The following DMD variants were observed in gnomAD, a reference collection of about 807,000 sequenced individuals.
DMD encodes mutant dystrophin.
In DMD, 63 loss-of-function variants were observed where a neutral mutation model predicts 330.1. That is an observed-to-expected ratio of 0.19 (90% CI 0.16 to 0.24). The LOEUF is 0.24. Among genes scored for constraint, DMD ranks in the 10% least tolerant of loss-of-function variants. The probability of loss-of-function intolerance (pLI) is 1.00; values close to 1 mark genes in which losing one functional copy is unlikely to be tolerated. For synonymous variants in DMD, 1,223 were observed against 959.8 expected, an observed-to-expected ratio of 1.27 and a Z score of -5.07; for missense variants, 3,344 against 2,684.1, an observed-to-expected ratio of 1.25 and a Z score of -5.43.
chrX:31,377,353 A>G (rs1396366960), intron 60 of DMD, among the ~76,000 whole-genome samples: 1 of 112,092 alleles, frequency 8.9e-6, no homozygotes, highest in Non-Finnish European at 1.9e-5. Flanking sequence ...TTGTGAACTG[A>G]ACAGGCTGCT....
intron 30 of DMD, among the ~76,000 whole-genome samples, chrX:32,394,129 G>A (rs1166524536): frequency 9.0e-6 from 1 of 111,414 alleles, no homozygotes; most frequent in Non-Finnish European, 1.9e-5. Context: ...TTTTTTAAAT[G>A]TAAGAAGATA....
intron 78 of DMD, among the ~76,000 whole-genome samples, chrX:31,123,613 C>CATA (rs1461012124): frequency 1.8e-5 from 2 of 112,025 alleles, no homozygotes; most frequent in Non-Finnish European, 3.8e-5. Flanking sequence ...GGGAAATCTG[C>CATA]ATAATTATTC....
At position 32,777,277 on chromosome X, in the gene DMD, T is replaced by TGGCGGGGGGGGGGGGTTGGG. The variant is rs1557019894; in HGVS notation, c.649+32215_649+32216insCCCAACCCCCCCCCCCCGCC. On this transcript the variant is annotated intron_variant, in intron 7 of 78. Coordinates refer to ENST00000357033, the MANE Select transcript of DMD (RefSeq NM_004006.3). ...CTAGTTTTTAAGTTTGGTTTCTGGT[T>TGGCGGGGGGGGGGGGTTGGG]GGGGGGGGAATCCTACCAAGCTAGG... is the stretch of plus-strand genomic sequence containing the variant. Among the ~76,000 whole-genome samples, 4 of 2,111 alleles carry TGGCGGGGGGGGGGGGTTGGG rather than the reference T, an allele frequency of 1.9e-3. 1 individual carries two copies. Among genetic ancestry groups the TGGCGGGGGGGGGGGGTTGGG allele is most frequent in the Non-Finnish European group, 2.1e-3 (3 of 1,428 alleles). The allele number at this position is 2,111 out of a possible 115,157, so 1.8% of individuals were successfully genotyped here.
At chrX:32,637,338 A>C (rs1411552659) in intron 11 of DMD, among the ~76,000 whole-genome samples, 1 of 112,234 alleles carries the variant, frequency 8.9e-6, no homozygotes, top group African/African-American at 3.2e-5. Context: ...AGTATAACTT[A>C]ATTATGAACA....
intron 7 of DMD, among the ~76,000 whole-genome samples, chrX:32,806,852 A>T (rs932067025): frequency 5.4e-5 from 6 of 110,831 alleles, no homozygotes; most frequent in Non-Finnish European, 1.9e-5. Context: ...TACTGGGTAA[A>T]TAACAGAATT....
intron 43 of DMD, among the ~76,000 whole-genome samples, chrX:32,237,402 T>C (rs1482932860): frequency 9.0e-6 from 1 of 110,928 alleles, no homozygotes; most frequent in Non-Finnish European, 1.9e-5. Context: ...TATTTTCTTC[T>C]CCAATCTGTA....
chrX:31,690,784 A>G (rs1020492959), intron 52 of DMD, among the ~76,000 whole-genome samples: 37 of 112,020 alleles, frequency 3.3e-4, no homozygotes, highest in Non-Finnish European at 4.7e-4. Context: ...AATACTATGC[A>G]ACCATAAAAA....
intron 2 of DMD, among the ~76,000 whole-genome samples, chrX:32,908,764 A>G (rs767525731): frequency 1.3e-3 from 150 of 111,876 alleles, no homozygotes; most frequent in Non-Finnish European, 2.1e-3. Context: ...CTCAAATACC[A>G]AAAAGGATCT....
At chrX:32,542,082 G>T (rs969578141) in intron 17 of DMD, among the ~76,000 whole-genome samples, 1 of 100,518 alleles carries the variant, frequency 9.9e-6, no homozygotes, top group Non-Finnish European at 2.0e-5. Flanking sequence ...TACATGATTT[G>T]GGAGTCAGTC....
At chrX:33,132,237 C>G (rs1360996247) in intron 1 of DMD, among the ~76,000 whole-genome samples, 1 of 111,974 alleles carries the variant, frequency 8.9e-6, no homozygotes, top group African/African-American at 3.2e-5. Flanking sequence ...AATTTTACTT[C>G]CTTACAGCTC....
intron 44 of DMD, among the ~76,000 whole-genome samples, chrX:32,003,445 G>A (rs1316852540): frequency 9.0e-6 from 1 of 111,651 alleles, no homozygotes; most frequent in Non-Finnish European, 1.9e-5. Flanking sequence ...CTTTTTGAGA[G>A]CAAACAATCA....
intron 60 of DMD, among the ~76,000 whole-genome samples, chrX:31,349,842 G>A (rs1466868843): frequency 9.0e-6 from 1 of 111,588 alleles, no homozygotes; most frequent in South Asian, 3.8e-4. Flanking sequence ...CAGAACTCAG[G>A]GGGTAGTTCC....
At chrX:32,179,408 C>T (rs2096919607) in intron 44 of DMD, among the ~76,000 whole-genome samples, 1 of 111,794 alleles carries the variant, frequency 8.9e-6, no homozygotes, top group African/African-American at 3.3e-5. Context: ...AATTAACATT[C>T]CACAGCCAGA....
chrX:32,436,026 C>T (rs962672439), intron 29 of DMD, among the ~76,000 whole-genome samples: 1 of 112,008 alleles, frequency 8.9e-6, no homozygotes. Flanking sequence ...TGAATTTTGT[C>T]AGCATTCCCC....
intron 51 of DMD, among the ~76,000 whole-genome samples, chrX:31,766,873 T>TTG (rs756777827): frequency 0.079 from 7,995 of 100,993 alleles, 413 homozygotes; most frequent in African/African-American, 0.16. Flanking sequence ...AAATATGATT[T>TTG]TGTGTGTGTG....
chrX:32,585,819 T>A (rs1001806785), intron 13 of DMD, among the ~76,000 whole-genome samples: 8 of 109,545 alleles, frequency 7.3e-5, no homozygotes. Flanking sequence ...TGAGTTTCAT[T>A]TGATAATTTT....
chrX:31,835,428 G>T (rs771588068), intron 49 of DMD, among the ~76,000 whole-genome samples: 269 of 112,088 alleles, frequency 2.4e-3, no homozygotes, highest in Middle Eastern at 4.6e-3. Context: ...TCTGAAATTT[G>T]CTGCTTTCAG....
rs945548125 is a variant in DMD at position 31,377,932 on chromosome X, C to T, written c.9085-29298G>A. Reference sequence around the variant, plus strand: ...CCTTGTGAAATTCCTTTCCCTGGCTCATCCTGGCTCAAAAAGCTTCCCCAC... The same window carrying T: ...CCTTGTGAAATTCCTTTCCCTGGCTTATCCTGGCTCAAAAAGCTTCCCCAC... On this transcript the variant is annotated intron_variant, in intron 60 of 78. Coordinates refer to ENST00000357033, the MANE Select transcript of DMD (RefSeq NM_004006.3). 1.3e-4 allele frequency among the ~76,000 whole-genome samples: 14 copies of T among 110,984 alleles called. 2 individuals are homozygous for T. Among genetic ancestry groups the T allele is most frequent in the Non-Finnish European group, 2.6e-4 (14 of 52,998 alleles).
intron 7 of DMD, among the ~76,000 whole-genome samples, chrX:32,751,347 G>C (rs1202203781): frequency 2.7e-5 from 3 of 111,241 alleles, no homozygotes; most frequent in African/African-American, 9.8e-5. Flanking sequence ...TGAGCAACTT[G>C]TTGGGAGCCC....
Sources: gnomAD v4.1 joint callset for allele counts (sites outside exome capture counted in the v4.1 genomes callset) on GRCh38, gnomAD v4.1.1 for gene constraint, MANE v1.5 for transcripts, NCBI Gene and HGNC (gene_info 2026-07-23, HGNC 2026-07-21) for gene names.